Variants in LMTK2 observed in about 807,000 individuals in gnomAD.
LMTK2 encodes the protein serine/threonine-protein kinase LMTK2.
In LMTK2, 37 loss-of-function variants were observed where a neutral mutation model predicts 127.5. That is an observed-to-expected ratio of 0.29 (90% CI 0.22 to 0.38). The LOEUF is 0.38. Ranked by LOEUF, LMTK2 falls within the 10% of genes least tolerant of loss-of-function variation. LMTK2 has a pLI of 1.00. For synonymous variants in LMTK2, 819 were observed against 810.1 expected, an observed-to-expected ratio of 1.01 and a Z score of -0.19; for missense variants, 1,694 against 1,920.3, an observed-to-expected ratio of 0.88 and a Z score of 2.20.
At chr7:98,114,382 G>A (rs1197421718) in intron 1 of LMTK2, among the ~76,000 whole-genome samples, 1 of 151,810 alleles carries the variant, frequency 6.6e-6, no homozygotes, top group African/African-American at 2.4e-5. Flanking sequence ...TGGGACTACA[G>A]GTGGATACCA....
At chr7:98,126,187 C>T (rs935530579) in intron 1 of LMTK2, among the ~76,000 whole-genome samples, 13 of 152,086 alleles carry the variant, frequency 8.5e-5, no homozygotes, top group African/African-American at 3.1e-4. Context: ...CCACTTCTCC[C>T]ATCTTTCAGC....
At chr7:98,180,913 G>A (rs1402701746) in intron 7 of LMTK2, among the ~76,000 whole-genome samples, 11 of 152,052 alleles carry the variant, frequency 7.2e-5, no homozygotes, top group African/African-American at 9.7e-5. Context: ...AGCTGGTTCC[G>A]GTTCCGTGAG....
chr7:98,204,809 A>T (rs1797764684), intron 13 of LMTK2, among the ~76,000 whole-genome samples: 1 of 152,222 alleles, frequency 6.6e-6, no homozygotes, highest in Admixed American at 6.5e-5. Context: ...CTGTGGCTGC[A>T]TAGTCCCTCC....
At chr7:98,176,735 T>C (rs866948828) in intron 7 of LMTK2, among the ~76,000 whole-genome samples, 4 of 152,080 alleles carry the variant, frequency 2.6e-5, no homozygotes, top group African/African-American at 7.2e-5. Flanking sequence ...TAATCCCAGC[T>C]ACTTGGGAGG....
At position 98,159,383 on chromosome 7, in the gene LMTK2, A is replaced by T. The variant is rs1796979246; in HGVS notation, c.615A>T (p.Val205=). Reference sequence around the variant, plus strand: ...TTCTTCAGTGTGTTGGACAGTGCGTAGAAGCGATTCCCTACCTCCTGGTGT... The same window carrying T: ...TTCTTCAGTGTGTTGGACAGTGCGTTGAAGCGATTCCCTACCTCCTGGTGT... The part of the protein sequence containing the change: ...PNILQCVGQC[V]EAIPYLLVFE... Residue 205 remains valine, a synonymous_variant, in exon 6 of 14, where the codon GTA becomes GTT. Transcript: ENST00000297293. The T allele has an allele frequency of 1.2e-6, 2 of 1,613,050 alleles. No individual in the cohort carries two copies. The highest frequency in any genetic ancestry group is 2.2e-5 in the South Asian group (2 of 90,934).
chr7:98,140,185 C>CG (rs1554386946), intron 2 of LMTK2, among the ~76,000 whole-genome samples: 1,191 of 25,224 alleles, frequency 0.047, 313 homozygotes, highest in Non-Finnish European at 0.075. Flanking sequence ...TCTTTTCTTT[C>CG]TTCTTTCTGT....
At chr7:98,146,116 A>G (rs955530605) in intron 3 of LMTK2, among the ~76,000 whole-genome samples, 5 of 152,088 alleles carry the variant, frequency 3.3e-5, no homozygotes, top group South Asian at 2.1e-4. Flanking sequence ...TCAGTTTACT[A>G]TATTTTTTGG....
chr7:98,161,318 C>A (rs916269871), intron 6 of LMTK2, among the ~76,000 whole-genome samples: 3 of 152,168 alleles, frequency 2.0e-5, no homozygotes, highest in African/African-American at 7.2e-5. Context: ...ATATTTTAAT[C>A]CTGCCCCAAA....
chr7:98,203,757 GTAAAGGT>G, intron 12 of LMTK2, 51 bp downstream of exon 12: 1 of 1,607,700 alleles, frequency 6.2e-7, no homozygotes, highest in Non-Finnish European at 8.5e-7. Context: ...ATTGAGTAAT[GTAAAGGT>G]TTTTTGAGGG....
At chr7:98,133,803 G>A (rs1796558191) in intron 1 of LMTK2, among the ~76,000 whole-genome samples, 1 of 152,102 alleles carries the variant, frequency 6.6e-6, no homozygotes, top group African/African-American at 2.4e-5. Flanking sequence ...CCTATCTAGT[G>A]ACTCACAGAG....
rs749485509 is a variant in LMTK2 at position 98,205,520 on chromosome 7, C to T, written c.*28C>T. The T allele has an allele frequency of 8.1e-6, 13 of 1,610,800 alleles. No homozygotes were observed. Among genetic ancestry groups the T allele is most frequent in the South Asian group, 2.2e-5 (2 of 91,066 alleles). On this transcript the variant is annotated 3_prime_UTR_variant, in exon 14 of 14. Transcript: ENST00000297293. The stretch of plus-strand genomic sequence containing the variant: ...GGCTGCCAACGCGCACGCTCGGGTC[C>T]GAGGCTGCTCCCCTGGAGCGGCGCC...
chr7:98,196,249 G>A (rs571801182), intron 11 of LMTK2, among the ~76,000 whole-genome samples: 7 of 151,596 alleles, frequency 4.6e-5, no homozygotes, highest in South Asian at 2.1e-4. Context: ...CTGATTCTGC[G>A]AGGGGCCAGG....
chr7:98,146,081 A>G (rs1282212328), intron 3 of LMTK2, among the ~76,000 whole-genome samples: 1 of 151,998 alleles, frequency 6.6e-6, no homozygotes, highest in Non-Finnish European at 1.5e-5. Flanking sequence ...TTCCTATTGA[A>G]TTGTCCTGGA....
rs1189820535 is a variant in LMTK2, at chr7:98,151,423, A to C, written c.418A>C (p.Ile140Leu). The C allele has an allele frequency of 6.2e-7, 1 of 1,613,868 alleles. No homozygotes were observed. The highest frequency in any genetic ancestry group is 8.5e-7 in the Non-Finnish European group (1 of 1,179,828). Reference sequence around the variant, plus strand: ...AGTTGCCCGCCACAGTCTAAACTACATACAGGAAATTGGAAATGGCTGGTT... The same window carrying C: ...AGTTGCCCGCCACAGTCTAAACTACCTACAGGAAATTGGAAATGGCTGGTT... Reference protein sequence around the residue: ...SQVARHSLNYIQEIGNGWFGK... With the variant: ...SQVARHSLNYLQEIGNGWFGK... The change falls in exon 4 of 14, where the codon ATA (isoleucine) becomes CTA (leucine). Residue 140 changes from isoleucine to leucine, a missense_variant. By Grantham distance (5) the Ile-to-Leu change is conservative. This residue lies in a region of LMTK2 where 203 missense variants were observed against 226.2 expected (regional missense o/e 0.90). Coordinates refer to ENST00000297293, the MANE Select transcript of LMTK2 (RefSeq NM_014916.4).
chr7:98,196,072 C>T (rs561297765), intron 11 of LMTK2, among the ~76,000 whole-genome samples: 1 of 152,050 alleles, frequency 6.6e-6, no homozygotes, highest in African/African-American at 2.4e-5. Context: ...GACTGCAGGC[C>T]CAGCTACTTG....
chr7:98,137,570 A>G, intron 2 of LMTK2, 128 bp downstream of exon 2: 3 of 762,994 alleles, frequency 3.9e-6, no homozygotes, highest in Non-Finnish European at 6.1e-6. Context: ...GCCAAATAGT[A>G]AATATTTTCT....
chr7:98,164,857 C>T (rs958610196), intron 6 of LMTK2, among the ~76,000 whole-genome samples: 2 of 152,218 alleles, frequency 1.3e-5, no homozygotes, highest in African/African-American at 4.8e-5. Context: ...TATTGGTCAG[C>T]AATTTCTTCA....
intron 1 of LMTK2, among the ~76,000 whole-genome samples, chr7:98,121,774 C>T (rs1310661465): frequency 1.3e-5 from 2 of 152,046 alleles, no homozygotes; most frequent in Non-Finnish European, 2.9e-5. Flanking sequence ...GCTGAGGCGG[C>T]TGGATCGCTT....
chr7:98,149,154 A>G (rs999071853), intron 3 of LMTK2, among the ~76,000 whole-genome samples: 1 of 152,232 alleles, frequency 6.6e-6, no homozygotes, highest in Non-Finnish European at 1.5e-5. Context: ...GCAGTTCCTC[A>G]GGACAACCCC....
Sources: gnomAD v4.1 joint callset for allele counts (sites outside exome capture counted in the v4.1 genomes callset) on GRCh38, gnomAD v4.1.1 for gene constraint, gnomAD v4.1.1 regional missense constraint, MANE v1.5 for transcripts, NCBI Gene and HGNC (gene_info 2026-07-23, HGNC 2026-07-21) for gene names.